Variants in TRDN observed in about 807,000 individuals in gnomAD.
The protein encoded by TRDN is triadin in skeletal muscle.
In TRDN, 161 loss-of-function variants were observed where a neutral mutation model predicts 149.7. The observed-to-expected ratio is 1.08, with a 90% CI of 0.95 to 1.23. The LOEUF (loss-of-function observed/expected upper bound fraction) is 1.23, where lower values mean the gene tolerates loss of function less well. Ranked by LOEUF, TRDN falls within the 50% of genes most tolerant of loss-of-function variation. The pLI is 0.00. For synonymous variants in TRDN, 294 were observed against 250.5 expected (o/e 1.17, Z -1.64); for missense variants, 896 against 823.5 (o/e 1.09, Z -1.08).
chr6:123,401,652 G>T (rs1426202269), intron 12 of TRDN, among the ~76,000 whole-genome samples: 1 of 152,028 alleles, frequency 6.6e-6, no homozygotes, highest in African/African-American at 2.4e-5. Flanking sequence ...ATATAGACAA[G>T]ATTTAAAGGA....
chr6:123,241,287 A>G (rs1775979077), intron 38 of TRDN, among the ~76,000 whole-genome samples: 2 of 151,232 alleles, frequency 1.3e-5, no homozygotes, highest in Admixed American at 1.3e-4. Flanking sequence ...TGCTTTAGTT[A>G]TGGTTAATTA....
chr6:123,565,297 C>G (rs1426435613), intron 2 of TRDN, among the ~76,000 whole-genome samples: 4 of 152,092 alleles, frequency 2.6e-5, no homozygotes, highest in African/African-American at 7.2e-5. Context: ...ACTAAGAGAG[C>G]AACGTTTCTC....
At chr6:123,382,745 T>C (rs1781768176) in intron 14 of TRDN, among the ~76,000 whole-genome samples, 1 of 152,028 alleles carries the variant, frequency 6.6e-6, no homozygotes, top group Non-Finnish European at 1.5e-5. Flanking sequence ...TATTTCGTGG[T>C]CAAAAGACAT....
At chr6:123,563,275 A>T (rs1433183580) in intron 2 of TRDN, among the ~76,000 whole-genome samples, 1 of 152,208 alleles carries the variant, frequency 6.6e-6, no homozygotes, top group African/African-American at 2.4e-5. Flanking sequence ...TGTGCGACAG[A>T]TGTTTAAACC....
intron 21 of TRDN, chr6:123,349,898 T>G (rs1780391320): frequency 2.0e-6 from 2 of 985,182 alleles, no homozygotes; most frequent in Non-Finnish European, 2.4e-6. Flanking sequence ...TTGCCTGGTG[T>G]TGTGACAACG....
intron 24 of TRDN, among the ~76,000 whole-genome samples, chr6:123,310,453 T>C (rs1171983186): frequency 1.3e-5 from 2 of 152,068 alleles, no homozygotes; most frequent in Admixed American, 1.3e-4. Context: ...CTTGTACTTA[T>C]TGCAAAATAC....
chr6:123,480,959 T>C (rs1477099589), intron 9 of TRDN, among the ~76,000 whole-genome samples: 1 of 152,032 alleles, frequency 6.6e-6, no homozygotes, highest in Non-Finnish European at 1.5e-5. Flanking sequence ...GTTGTTTTCA[T>C]TTTAAACAAC....
At chr6:123,491,998 G>A (rs1778243813) in intron 9 of TRDN, among the ~76,000 whole-genome samples, 1 of 152,116 alleles carries the variant, frequency 6.6e-6, no homozygotes, top group Admixed American at 6.6e-5. Context: ...ATATAGTTAA[G>A]CACCACTAAA....
At chr6:123,499,401 A>G (rs1778582295) in intron 8 of TRDN, among the ~76,000 whole-genome samples, 2 of 151,760 alleles carry the variant, frequency 1.3e-5, no homozygotes, top group African/African-American at 2.4e-5. Flanking sequence ...TCAGCCCTCC[A>G]TTTCCCTGGG....
intron 1 of TRDN, among the ~76,000 whole-genome samples, chr6:123,605,839 T>C (rs1053137276): frequency 6.6e-6 from 1 of 152,148 alleles, no homozygotes; most frequent in East Asian, 1.9e-4. Flanking sequence ...TTTATAACCA[T>C]AGTTTAATTA....
intron 1 of TRDN, among the ~76,000 whole-genome samples, chr6:123,604,344 C>T (rs1259944627): frequency 6.6e-6 from 1 of 152,208 alleles, no homozygotes; most frequent in Non-Finnish European, 1.5e-5. Context: ...CATTGCAGGT[C>T]TATTCACATT....
chr6:123,600,294 G>C (rs1291399491), intron 1 of TRDN, among the ~76,000 whole-genome samples: 3 of 152,046 alleles, frequency 2.0e-5, no homozygotes, highest in Non-Finnish European at 4.4e-5. Context: ...TGAATAAGCA[G>C]AGTGCTCTCC....
At position 123,331,944 on chromosome 6, in the gene TRDN, C is replaced by G; in HGVS notation, c.1421-15G>C. 6.6e-7 allele frequency: 1 copy of G among 1,525,688 alleles called. No individual in the cohort carries two copies. Among genetic ancestry groups the G allele is most frequent in the East Asian group, 2.4e-5 (1 of 41,630 alleles). 94.5% of individuals were successfully genotyped at this position (1,525,688 alleles called of 1,614,324 possible). ...TTTAATAGGTTCTGAAAAGAAACATCGGACATTTATTTGAAGCCAAGACAA... is the reference window on the plus strand; with the variant it reads ...TTTAATAGGTTCTGAAAAGAAACATGGGACATTTATTTGAAGCCAAGACAA... On this transcript the variant is annotated splice_polypyrimidine_tract_variant and intron_variant, in intron 22 of 40. Coordinates refer to ENST00000334268, the MANE Select transcript of TRDN (RefSeq NM_006073.4).
intron 5 of TRDN, among the ~76,000 whole-genome samples, chr6:123,523,312 G>T (rs1166910325): frequency 6.6e-6 from 1 of 152,126 alleles, no homozygotes; most frequent in African/African-American, 2.4e-5. Flanking sequence ...AGCTCAGCCT[G>T]CCTGCAGTAC....
chr6:123,371,109 C>T (rs913869460), intron 19 of TRDN, among the ~76,000 whole-genome samples: 1 of 151,824 alleles, frequency 6.6e-6, no homozygotes, highest in Admixed American at 6.6e-5. Context: ...GAATTTTGAA[C>T]ATCTAGTTTT....
intron 7 of TRDN, among the ~76,000 whole-genome samples, chr6:123,511,722 G>A (rs752380471): frequency 1.1e-4 from 17 of 152,094 alleles, no homozygotes; most frequent in South Asian, 6.2e-4. Context: ...TAGGGCCCAC[G>A]AGGCTGAAAT....
intron 9 of TRDN, among the ~76,000 whole-genome samples, chr6:123,486,564 A>G (rs1299351419): frequency 6.6e-6 from 1 of 152,080 alleles, no homozygotes; most frequent in Non-Finnish European, 1.5e-5. Flanking sequence ...TGTATAAACC[A>G]AATAGAGCAT....
At chr6:123,314,060 C>A (rs1281917493) in intron 24 of TRDN, among the ~76,000 whole-genome samples, 2 of 152,030 alleles carry the variant, frequency 1.3e-5, no homozygotes, top group Non-Finnish European at 1.5e-5. Flanking sequence ...AGTAAACAGA[C>A]AACCTACAGA....
chr6:123,535,838 C>CTATAG (rs975979379), intron 4 of TRDN, among the ~76,000 whole-genome samples: 7 of 151,868 alleles, frequency 4.6e-5, no homozygotes, highest in South Asian at 2.1e-4. Flanking sequence ...TGTTATAAAT[C>CTATAG]TATAGTATAC....
Sources: allele counts gnomAD v4.1 joint callset (sites outside exome capture counted in the v4.1 genomes callset), GRCh38; gene constraint gnomAD v4.1.1; transcripts MANE v1.5; gene names NCBI Gene and HGNC (gene_info 2026-07-23, HGNC 2026-07-21).